SCAF4: variants seen among roughly 807,000 people sequenced by gnomAD.
SCAF4 encodes the protein SR-related and CTD-associated factor 4.
In SCAF4, 25 loss-of-function variants were observed where a neutral mutation model predicts 129.8. The observed-to-expected ratio is 0.19, with a 90% confidence interval of 0.14 to 0.27. SCAF4 has a LOEUF of 0.27. Among genes scored for constraint, SCAF4 ranks in the 10% least tolerant of loss-of-function variants. SCAF4 has a pLI of 1.00. For synonymous variants in SCAF4, 551 were observed against 497.7 expected (o/e 1.11, Z -1.43); for missense variants, 1,246 against 1,457.1 (o/e 0.86, Z 2.36).
chr21:31,680,098 C>A (rs1349144299), intron 19 of SCAF4, among the ~76,000 whole-genome samples: 1 of 152,200 alleles, frequency 6.6e-6, no homozygotes, highest in Non-Finnish European at 1.5e-5. Context: ...CCCAGAGTTA[C>A]TGCCCCTCCC....
intron 1 of SCAF4, among the ~76,000 whole-genome samples, chr21:31,730,025 A>C (rs1054427332): frequency 7.9e-5 from 12 of 152,272 alleles, no homozygotes; most frequent in Admixed American, 4.6e-4. Context: ...TTCTGAAATA[A>C]ATTTTTAAAA....
At chr21:31,685,001 G>C in intron 19 of SCAF4, 48 bp downstream of exon 19, 1 of 339,270 alleles carries the variant, frequency 2.9e-6, no homozygotes, top group Non-Finnish European at 4.6e-6. Context: ...TGGGGGGGTG[G>C]GGGGGGGGTG....
At chr21:31,729,564 T>C (rs1348021218) in intron 1 of SCAF4, among the ~76,000 whole-genome samples, 2 of 150,912 alleles carry the variant, frequency 1.3e-5, no homozygotes, top group East Asian at 1.9e-4. Context: ...TTCAAGATTA[T>C]ATGGGGAACG....
At chr21:31,694,450 A>G (rs1201895442) in intron 10 of SCAF4, among the ~76,000 whole-genome samples, 161 bp from the exon 11 acceptor site, 1 of 152,236 alleles carries the variant, frequency 6.6e-6, no homozygotes, top group Non-Finnish European at 1.5e-5. Context: ...TCACTGGGAA[A>G]AAAAAACAAA....
At position 31,693,386 on chromosome 21, in the gene SCAF4, G is replaced by A; in HGVS notation, c.1421C>T (p.Pro474Leu). 1 of 1,582,108 alleles carries A rather than the reference G, an allele frequency of 6.3e-7. No homozygotes were observed. The highest frequency in any genetic ancestry group is 8.6e-7 in the Non-Finnish European group (1 of 1,157,264). ...CCGTCTTTCTTGAGATCGAGATCGG[G>A]GAGAATGTCGGCGTCTATCCCTGGA... Reference protein sequence around the residue: ...SRSRDRRRHSPRSRSQERRDR... With the variant: ...SRSRDRRRHSLRSRSQERRDR... The change falls in exon 12 of 20, where the codon CCC becomes CTC. Residue 474 changes from proline (P) to leucine (L), a missense_variant. Physicochemically the swap from Pro to Leu is moderately conservative, Grantham distance 98. Around this residue, in one of 6 missense-constraint regions of SCAF4, gnomAD observed 468 missense variants for 605.5 expected, o/e 0.77. Transcript: ENST00000286835.
At chr21:31,703,310 A>C (rs1384449792) in intron 4 of SCAF4, among the ~76,000 whole-genome samples, 1 of 152,094 alleles carries the variant, frequency 6.6e-6, no homozygotes, top group Admixed American at 6.6e-5. Flanking sequence ...ATTATTTTTT[A>C]AAAATTTTAC....
At position 31,692,326 on chromosome 21, in the gene SCAF4, TAAA is replaced by T; in HGVS notation, c.1614+20_1614+22del. 6.4e-7 allele frequency: 1 copy of T among 1,568,478 alleles called. No individual in the cohort carries two copies. Among genetic ancestry groups the T allele is most frequent in the South Asian group, 1.1e-5 (1 of 90,212 alleles). On this transcript the variant is annotated intron_variant, in intron 13 of 19. Transcript: ENST00000286835. ...ATTAATCACACCTGTCCATCGTACT[TAAA>T]AAACTGAATAAACACTCACATTAAT...
In SCAF4 at chr21:31,700,930, G is replaced by A. The variant is rs769584651; in HGVS notation, c.777+65C>T. The A allele has an allele frequency of 3.3e-6, 5 of 1,502,198 alleles. No homozygotes were observed. The South Asian group carries it at 5.6e-5, about 17-fold the overall frequency. The allele number at this position is 1,502,198 out of a possible 1,614,324, so 93.1% of individuals were successfully genotyped here. A position where few individuals can be genotyped will look rare whatever the true frequency, so the allele number is the denominator to read the frequency against. Reference sequence around the variant, plus strand: ...CAATCCACAGAAGGGATACAGAAGTGATAATTTCCATAACTCAAGTTGAGT... The same window carrying A: ...CAATCCACAGAAGGGATACAGAAGTAATAATTTCCATAACTCAAGTTGAGT... On this transcript the variant is annotated intron_variant, in intron 7 of 19. Coordinates refer to ENST00000286835, the MANE Select transcript of SCAF4 (RefSeq NM_020706.2).
chr21:31,706,218 A>G, intron 2 of SCAF4, 56 bp downstream of exon 2: 2 of 1,175,350 alleles, frequency 1.7e-6, no homozygotes. Flanking sequence ...TTTAAAAGTA[A>G]TAAATATTTT....
At position 31,717,942 on chromosome 21, in the gene SCAF4, CACACATAT is replaced by C. The variant is rs1203322740; in HGVS notation, c.31-11593_31-11586del. Among the ~76,000 whole-genome samples the C allele has an allele frequency of 4.0e-3, 514 of 129,218 alleles. 9 individuals carry two copies. Among genetic ancestry groups the C allele is most frequent in the African/African-American group, 0.017 (493 of 29,466 alleles). 84.8% of individuals were successfully genotyped at this position (129,218 alleles called of 152,430 possible). A position where few individuals can be genotyped will look rare whatever the true frequency, so the allele number is the denominator to read the frequency against. On this transcript the variant is annotated intron_variant, in intron 1 of 19. Coordinates refer to ENST00000286835, the MANE Select transcript of SCAF4 (RefSeq NM_020706.2). ...ACACACACACACACACACACACACA[CACACATAT>C]ATATTTTTTTGAGATGGAGTTTCAC... is the stretch of plus-strand genomic sequence containing the variant.
chr21:31,705,159 A>G (rs1216935015), intron 3 of SCAF4, among the ~76,000 whole-genome samples: 5 of 152,340 alleles, frequency 3.3e-5, no homozygotes, highest in African/African-American at 1.2e-4. Flanking sequence ...GCAAGGGGGT[A>G]GAGTAAGCAC....
chr21:31,699,157 A>C (rs1466158894), intron 7 of SCAF4, among the ~76,000 whole-genome samples: 1 of 152,354 alleles, frequency 6.6e-6, no homozygotes, highest in African/African-American at 2.4e-5. Context: ...TCCAGAGATA[A>C]GACACAGAAA....
At chr21:31,680,726 G>C (rs1487644301) in intron 19 of SCAF4, among the ~76,000 whole-genome samples, 1 of 152,154 alleles carries the variant, frequency 6.6e-6, no homozygotes, top group Non-Finnish European at 1.5e-5. Context: ...TGGCTAACTA[G>C]TGCATTACTA....
At chr21:31,702,064 A>G in intron 5 of SCAF4, 146 bp from the exon 6 acceptor site, 1 of 1,222,896 alleles carries the variant, frequency 8.2e-7, no homozygotes, top group Non-Finnish European at 1.2e-6. Flanking sequence ...TACTGTAACA[A>G]CTACCAGAAG....
intron 19 of SCAF4, among the ~76,000 whole-genome samples, chr21:31,674,642 AG>A (rs1279478118): frequency 6.6e-6 from 1 of 152,234 alleles, no homozygotes; most frequent in East Asian, 1.9e-4. Flanking sequence ...CATGCTAGCT[AG>A]GAAGTCCTTA....
At chr21:31,721,358 C>A (rs2051062437) in intron 1 of SCAF4, among the ~76,000 whole-genome samples, 1 of 152,106 alleles carries the variant, frequency 6.6e-6, no homozygotes, top group African/African-American at 2.4e-5. Context: ...TCATGTATGG[C>A]CATTAAAGTT....
At chr21:31,723,623 TGTGTGTGC>T (rs1324430222) in intron 1 of SCAF4, among the ~76,000 whole-genome samples, 2 of 142,216 alleles carry the variant, frequency 1.4e-5, no homozygotes, top group Admixed American at 7.3e-5. Flanking sequence ...TGTGTGTGTG[TGTGTGTGC>T]GCGCGCGCGC....
rs527794351 is a variant in SCAF4 at position 31,704,900 on chromosome 21, C to T, written c.159+523G>A. 2.6e-4 allele frequency among the ~76,000 whole-genome samples: 39 copies of T among 152,234 alleles called. No homozygotes were observed. The South Asian group carries it at 7.9e-3, about 31-fold the overall frequency. ...CATGGATTAGAGACATTTTTATAAA[C>T]ACTGATTAGTAGGTACTACATGTCA... is the stretch of plus-strand genomic sequence containing the variant. On this transcript the variant is annotated intron_variant, in intron 3 of 19. Transcript: ENST00000286835.
At chr21:31,686,350 G>A (rs1366296041) in intron 16 of SCAF4, among the ~76,000 whole-genome samples, 1 of 151,862 alleles carries the variant, frequency 6.6e-6, no homozygotes, top group African/African-American at 2.4e-5. Flanking sequence ...AATGTTCCAT[G>A]GTCCTTTCAG....
Sources: allele counts gnomAD v4.1 joint callset (sites outside exome capture counted in the v4.1 genomes callset), GRCh38; gene constraint gnomAD v4.1.1; regional missense constraint gnomAD v4.1.1; transcripts MANE v1.5; gene names NCBI Gene and HGNC (gene_info 2026-07-23, HGNC 2026-07-21).